GRIA3: variants seen among roughly 807,000 people sequenced by gnomAD.
The protein encoded by GRIA3 is glutamate receptor 3.
GRIA3 carries 3 observed loss-of-function variants against 63.0 expected under a neutral mutation model. The observed-to-expected ratio is 0.05, with a 90% CI of 0.02 to 0.12. The LOEUF is 0.12. GRIA3 is among the 10% of genes least tolerant of loss of function. GRIA3 has a pLI of 1.00. For synonymous variants in GRIA3, 274 were observed against 257.9 expected, an observed-to-expected ratio of 1.06 and a Z score of -0.60; for missense variants, 347 against 700.9, an observed-to-expected ratio of 0.50 and a Z score of 5.70.
chrX:123,334,994 C>A (rs1163583513), intron 4 of GRIA3, among the ~76,000 whole-genome samples: 2 of 109,102 alleles, frequency 1.8e-5, no homozygotes, highest in African/African-American at 6.7e-5. Flanking sequence ...GTCTTCCCTG[C>A]TGAAGAAGCT....
At chrX:123,435,112 C>G (rs1192747703) in intron 12 of GRIA3, among the ~76,000 whole-genome samples, 1 of 111,962 alleles carries the variant, frequency 8.9e-6, no homozygotes, top group Non-Finnish European at 1.9e-5. Flanking sequence ...ATATAGGTAT[C>G]TCACATAACT....
chrX:123,313,706 G>A (rs763421591), intron 3 of GRIA3, among the ~76,000 whole-genome samples: 85 of 112,025 alleles, frequency 7.6e-4, no homozygotes, highest in Admixed American at 2.3e-3. Flanking sequence ...CTTTTGCTTA[G>A]TGGAACCTAA....
intron 3 of GRIA3, among the ~76,000 whole-genome samples, chrX:123,259,694 C>T (rs1448637504): frequency 1.8e-5 from 2 of 111,612 alleles, no homozygotes; most frequent in African/African-American, 3.3e-5. Flanking sequence ...ATCTTTACAA[C>T]TGAGGAAACC....
At chrX:123,342,796 G>A (rs756665911) in intron 4 of GRIA3, among the ~76,000 whole-genome samples, 2 of 111,568 alleles carry the variant, frequency 1.8e-5, no homozygotes, top group Non-Finnish European at 3.8e-5. Context: ...TTCCCTGGAT[G>A]CCCAGCAACA....
intron 13 of GRIA3, among the ~76,000 whole-genome samples, chrX:123,472,365 CTA>C (rs1453244784): frequency 1.8e-5 from 2 of 109,804 alleles, no homozygotes; most frequent in African/African-American, 3.3e-5. Context: ...TCTTCTCATT[CTA>C]TGCTTCTCTA....
chrX:123,190,976 G>A (rs1927416972), intron 2 of GRIA3, among the ~76,000 whole-genome samples: 1 of 112,193 alleles, frequency 8.9e-6, no homozygotes, highest in Non-Finnish European at 1.9e-5. Context: ...CCTTTTTACA[G>A]TTAAAGAGAT....
intron 12 of GRIA3, among the ~76,000 whole-genome samples, chrX:123,451,118 G>T (rs894707607): frequency 1.8e-5 from 2 of 111,426 alleles, no homozygotes; most frequent in Non-Finnish European, 3.8e-5. Context: ...TTGAGCAGAG[G>T]AATGACATGA....
intron 5 of GRIA3, among the ~76,000 whole-genome samples, chrX:123,387,281 G>C (rs148281100): frequency 9.0e-6 from 1 of 110,747 alleles, no homozygotes; most frequent in Non-Finnish European, 1.9e-5. Context: ...ATTTCTGTAC[G>C]TTGATTTTAT....
At chrX:123,418,126 G>A (rs2045545942) in intron 11 of GRIA3, among the ~76,000 whole-genome samples, 1 of 111,845 alleles carries the variant, frequency 8.9e-6, no homozygotes, top group Non-Finnish European at 1.9e-5. Flanking sequence ...TAATTGTACT[G>A]AAGTGTTTTC....
chrX:123,452,050 A>C (rs1306736829), intron 12 of GRIA3, among the ~76,000 whole-genome samples: 1 of 112,126 alleles, frequency 8.9e-6, no homozygotes, highest in Non-Finnish European at 1.9e-5. Context: ...ACGAAGCACC[A>C]TTCCTGTTGC....
intron 4 of GRIA3, among the ~76,000 whole-genome samples, chrX:123,346,035 G>C (rs1191691719): frequency 9.0e-6 from 1 of 111,403 alleles, no homozygotes; most frequent in Non-Finnish European, 1.9e-5. Context: ...CTATGAAATA[G>C]GTACTAATGG....
At chrX:123,264,600 CTA>C (rs931381915) in intron 3 of GRIA3, among the ~76,000 whole-genome samples, 3 of 112,095 alleles carry the variant, frequency 2.7e-5, no homozygotes, top group Non-Finnish European at 1.9e-5. Flanking sequence ...GACAGGAGAA[CTA>C]TATTGAGGTG....
intron 5 of GRIA3, among the ~76,000 whole-genome samples, chrX:123,387,085 C>A (rs1412034021): frequency 9.0e-6 from 1 of 111,545 alleles, no homozygotes; most frequent in Non-Finnish European, 1.9e-5. Flanking sequence ...TTCTTTCAAT[C>A]CATGAGCGTG....
At chrX:123,274,090 G>T (rs1400635529) in intron 3 of GRIA3, among the ~76,000 whole-genome samples, 1 of 111,912 alleles carries the variant, frequency 8.9e-6, no homozygotes, top group African/African-American at 3.3e-5. Context: ...CTAATTTAGG[G>T]TTACCAGATG....
rs747223608 is a variant in GRIA3, at chrX:123,389,832, A to G, written c.751-5136A>G. On this transcript the variant is annotated intron_variant, in intron 5 of 15. Coordinates refer to ENST00000620443, the MANE Select transcript of GRIA3 (RefSeq NM_007325.5). ...GCCATTCTCCTGGCTCAGCCTCCCA[A>G]GTAGCTGGGACTACAGACACCCGCC... is the stretch of plus-strand genomic sequence containing the variant. 2.0e-3 allele frequency among the ~76,000 whole-genome samples: 216 copies of G among 110,314 alleles called. 2 individuals carry two copies. Among genetic ancestry groups the G allele is most frequent in the African/African-American group, 7.0e-3 (211 of 30,261 alleles).
At chrX:123,338,242 T>C (rs1385389930) in intron 4 of GRIA3, among the ~76,000 whole-genome samples, 2 of 112,241 alleles carry the variant, frequency 1.8e-5, no homozygotes, top group Non-Finnish European at 3.8e-5. Context: ...TGTGGCTACA[T>C]CTCACACCCA....
At chrX:123,447,916 G>T (rs995375027) in intron 12 of GRIA3, among the ~76,000 whole-genome samples, 2 of 112,068 alleles carry the variant, frequency 1.8e-5, no homozygotes, top group Admixed American at 9.4e-5. Flanking sequence ...AAACCTTGGG[G>T]AATTGTGAGT....
rs761733671 is a variant in GRIA3, at chrX:123,284,430, G to A, written c.508+30888G>A. ...GAATTGACAGAAGTAGGCTTCAGAG[G>A]GTTGGTAATAGCAACCTCCTCCGAG... On this transcript the variant is annotated intron_variant, in intron 3 of 15. Coordinates refer to ENST00000620443, the MANE Select transcript of GRIA3 (RefSeq NM_007325.5). 3.6e-5 allele frequency among the ~76,000 whole-genome samples: 4 copies of A among 111,303 alleles called. No individual in the cohort carries two copies. The South Asian group carries it at 1.5e-3, about 42-fold the overall frequency.
At chrX:123,338,785 C>T (rs755896568) in intron 4 of GRIA3, among the ~76,000 whole-genome samples, 2 of 111,669 alleles carry the variant, frequency 1.8e-5, no homozygotes, top group African/African-American at 3.3e-5. Context: ...CTCCTGACCT[C>T]GTGATCCGCC....
Sources: allele counts gnomAD v4.1 joint callset (sites outside exome capture counted in the v4.1 genomes callset), GRCh38; gene constraint gnomAD v4.1.1; transcripts MANE v1.5; gene names NCBI Gene and HGNC (gene_info 2026-07-23, HGNC 2026-07-21).